RUNX1T1: variants seen among roughly 807,000 people sequenced by gnomAD.
RUNX1T1 encodes the protein RUNX1 partner transcriptional co-repressor 1, also known as protein CBFA2T1.
In RUNX1T1, 4 loss-of-function variants were observed where a neutral mutation model predicts 62.8. That is an observed-to-expected ratio of 0.06 (90% CI 0.03 to 0.15). The LOEUF is 0.15. Ranked by LOEUF, RUNX1T1 falls within the 10% of genes least tolerant of loss-of-function variation. The pLI is 1.00. For missense variants in RUNX1T1, 508 were observed against 754.3 expected (o/e 0.67, Z 3.82); for synonymous variants, 291 against 286.0 (o/e 1.02, Z -0.18).
chr8:92,033,298 T>C (rs960459500), intron 1 of RUNX1T1, among the ~76,000 whole-genome samples: 5 of 152,216 alleles, frequency 3.3e-5, no homozygotes, highest in African/African-American at 7.2e-5. Flanking sequence ...AATATACTAC[T>C]ACCACATGGG....
upstream of RUNX1T1, among the ~76,000 whole-genome samples, chr8:92,067,123 TAGGGCTGTCCA>T (rs1452077489): frequency 6.6e-6 from 1 of 152,212 alleles, no homozygotes; most frequent in Admixed American, 6.5e-5. Context: ...AAGGTTTATT[TAGGGCTGTCCA>T]AGAGAGCCTA....
chr8:92,101,802 C>A (rs1838049620), upstream of RUNX1T1, among the ~76,000 whole-genome samples: 1 of 152,112 alleles, frequency 6.6e-6, no homozygotes, highest in Non-Finnish European at 1.5e-5. Context: ...CTGACCTAGC[C>A]GTATTTGCTC....
chr8:91,955,113 A>G (rs910356231), downstream of RUNX1T1: 1 of 213,354 alleles, frequency 4.7e-6, no homozygotes, highest in African/African-American at 2.3e-5. Context: ...ATACTTTTAT[A>G]ATGTTATCAA....
rs77342850 is a variant in RUNX1T1 at position 92,003,712 on chromosome 8, T to C, written c.659+1404A>G. ...GAATGCACATGTAAATCACCTATTG[T>C]TGAGCCACCTCTTGGTTTTCAGCAT... On this transcript the variant is annotated intron_variant, in intron 5 of 10. Coordinates refer to ENST00000396218, the Ensembl canonical transcript of RUNX1T1. 1.1e-4 allele frequency among the ~76,000 whole-genome samples: 17 copies of C among 152,348 alleles called. No homozygotes were observed. In the East Asian group the frequency reaches 2.7e-3, roughly 24 times the overall value.
chr8:92,036,374 T>C (rs1443434818), intron 1 of RUNX1T1, among the ~76,000 whole-genome samples: 2 of 152,216 alleles, frequency 1.3e-5, no homozygotes, highest in South Asian at 2.1e-4. Context: ...ATTAACTTGT[T>C]ACTAACAATA....
intron 1 of RUNX1T1, among the ~76,000 whole-genome samples, chr8:92,035,459 T>C (rs1202821199): frequency 6.6e-6 from 1 of 152,042 alleles, no homozygotes; most frequent in Admixed American, 6.6e-5. Flanking sequence ...TATATGCATG[T>C]AAGAAATGCA....
chr8:91,963,279 TG>T (rs1408619750), intron 10 of RUNX1T1, among the ~76,000 whole-genome samples: 1 of 152,020 alleles, frequency 6.6e-6, no homozygotes, highest in Non-Finnish European at 1.5e-5. Flanking sequence ...CACCCACCAC[TG>T]GGACAAAAGA....
chr8:92,036,507 C>T (rs1431679851), intron 1 of RUNX1T1, among the ~76,000 whole-genome samples: 1 of 152,146 alleles, frequency 6.6e-6, no homozygotes, highest in Non-Finnish European at 1.5e-5. Context: ...CTGTGATCGT[C>T]AATGTCAACA....
chr8:91,989,578 G>A lies in RUNX1T1; in HGVS notation c.910+2061C>T, dbSNP rs1379566485. Among the ~76,000 whole-genome samples the A allele has an allele frequency of 3.3e-5, 5 of 152,264 alleles. No individual in the cohort carries two copies. The South Asian group carries it at 6.2e-4, about 19-fold the overall frequency. On this transcript the variant is annotated intron_variant, in intron 6 of 10. Coordinates refer to ENST00000396218, the Ensembl canonical transcript of RUNX1T1. The stretch of plus-strand genomic sequence containing the variant: ...TGTAATTACTTCCTTGCTGATTACT[G>A]TATAGTGCACTGGAACTAATATTTC...
intron 8 of RUNX1T1, among the ~76,000 whole-genome samples, chr8:91,976,838 A>G (rs1814070427): frequency 6.6e-6 from 1 of 152,240 alleles, no homozygotes; most frequent in Non-Finnish European, 1.5e-5. Flanking sequence ...GATTTTCAAT[A>G]AAAGCCTCCT....
chr8:91,991,664 G>C (rs1243377016), exon 6 of RUNX1T1: 16 of 1,613,838 alleles, frequency 9.9e-6, no homozygotes, highest in Non-Finnish European at 1.4e-5. Flanking sequence ...TGTCCCTGAG[G>C]TCCCTGTGGC....
chr8:92,046,810 C>T (rs4477079), intron 1 of RUNX1T1, among the ~76,000 whole-genome samples: 33,849 of 152,120 alleles, frequency 0.22, 3,914 homozygotes, highest in African/African-American at 0.27. Flanking sequence ...TTGACTAGCA[C>T]TACATAGAAC....
intron 8 of RUNX1T1, among the ~76,000 whole-genome samples, chr8:91,985,823 T>G (rs184118879): frequency 2.0e-5 from 3 of 152,292 alleles, no homozygotes; most frequent in Admixed American, 2.0e-4. Flanking sequence ...TTTTGCTGTT[T>G]TGAGGCATTA....
In RUNX1T1 at chr8:92,037,676, C is replaced by CA. The variant is rs1213425985; in HGVS notation, c.8-20314dup. ...CCTGGGTGACAGAGGGAATCCATCT[C>CA]AAAAAAAATAAATTTAAAAAGTAAA... On this transcript the variant is annotated intron_variant, in intron 1 of 10. Transcript: ENST00000396218. 7.3e-5 allele frequency among the ~76,000 whole-genome samples: 11 copies of CA among 151,206 alleles called. No individual in the cohort carries two copies. The East Asian group carries it at 1.4e-3, about 19-fold the overall frequency.
At chr8:92,095,351 T>C (rs1011740085) in intron 1 of RUNX1T1, 10 of 1,534,822 alleles carry the variant, frequency 6.5e-6, no homozygotes, top group Non-Finnish European at 7.8e-6. Context: ...GATTACCTTC[T>C]GGCAAAGGAG....
intron 8 of RUNX1T1, among the ~76,000 whole-genome samples, chr8:91,979,014 A>G (rs1372406865): frequency 6.6e-6 from 1 of 152,252 alleles, no homozygotes; most frequent in East Asian, 1.9e-4. Flanking sequence ...AGCAGAATCT[A>G]AAGGGAAATA....
intron 2 of RUNX1T1, among the ~76,000 whole-genome samples, chr8:92,016,085 T>C (rs764783297): frequency 2.0e-5 from 3 of 152,244 alleles, no homozygotes; most frequent in Non-Finnish European, 4.4e-5. Context: ...CTTTTAGTTA[T>C]TTTTCATTCA....
intron 2 of RUNX1T1, among the ~76,000 whole-genome samples, chr8:92,072,344 T>A (rs1833812997): frequency 2.0e-5 from 3 of 152,178 alleles, no homozygotes; most frequent in Admixed American, 6.6e-5. Flanking sequence ...AAAATTTTAT[T>A]TAAACAAAAC....
At chr8:92,012,358 T>C (rs1822113238) in intron 3 of RUNX1T1, among the ~76,000 whole-genome samples, 1 of 152,094 alleles carries the variant, frequency 6.6e-6, no homozygotes, top group South Asian at 2.1e-4. Flanking sequence ...AGCCAGAGCA[T>C]CAAAGTGAGA....
Sources: gnomAD v4.1 joint callset for allele counts (sites outside exome capture counted in the v4.1 genomes callset) on GRCh38, gnomAD v4.1.1 for gene constraint, MANE v1.5 for transcripts, NCBI Gene and HGNC (gene_info 2026-07-23, HGNC 2026-07-21) for gene names.